The following CEP41 variants were observed in gnomAD, a reference collection of about 807,000 sequenced individuals.
The protein encoded by CEP41 is centrosomal protein of 41 kDa.
In CEP41, 32 loss-of-function variants were observed where a neutral mutation model predicts 44.3. The ratio of observed to expected loss-of-function variants is 0.72; its 90% confidence interval spans 0.54 to 0.97. The LOEUF is 0.97. CEP41 is among the 50% of genes least tolerant of loss of function. The pLI, the probability that CEP41 is intolerant of heterozygous loss-of-function variation, is 0.00. For missense variants in CEP41, 432 were observed against 455.2 expected, an observed-to-expected ratio of 0.95 and a Z score of 0.46; for synonymous variants, 151 against 168.5, an observed-to-expected ratio of 0.90 and a Z score of 0.80.
rs576591527 is a variant in CEP41 at position 130,402,476 on chromosome 7, C to T, written c.574+172G>A. 2.2e-4 allele frequency among the ~76,000 whole-genome samples: 34 copies of T among 152,284 alleles called. 1 individual carries two copies. Among genetic ancestry groups the T allele is most frequent in the Admixed American group, 1.8e-3 (27 of 15,302 alleles). ...GACAGCCATCTGTGAAAATCAGCAG[C>T]CTCTCAAGAGTATTTTATGGTGGAG... On this transcript the variant is annotated intron_variant, in intron 7 of 10. Transcript: ENST00000223208.
At chr7:130,405,259 T>C (rs1231124090) in intron 5 of CEP41, among the ~76,000 whole-genome samples, 4 of 152,216 alleles carry the variant, frequency 2.6e-5, no homozygotes, top group African/African-American at 9.7e-5. Context: ...CAAGGAAAAG[T>C]ATTAGTGTGA....
intron 3 of CEP41, among the ~76,000 whole-genome samples, chr7:130,415,851 T>A (rs1415385915): frequency 2.0e-5 from 3 of 152,302 alleles, no homozygotes; most frequent in Non-Finnish European, 4.4e-5. Context: ...TATATAGATA[T>A]TTAAAATACA....
intron 5 of CEP41, among the ~76,000 whole-genome samples, chr7:130,410,045 A>G (rs1367643237): frequency 7.9e-5 from 3 of 38,060 alleles, no homozygotes; most frequent in Non-Finnish European, 1.1e-4. Flanking sequence ...TTTTTTTTTG[A>G]GACAGAGTCT....
rs1554416123 is a variant in CEP41, at chr7:130,398,956, G to A, written c.1057C>T (p.Pro353Ser). 1 of 1,614,206 alleles carries A rather than the reference G, an allele frequency of 6.2e-7. No individual in the cohort carries two copies. The highest frequency in any genetic ancestry group is 8.5e-7 in the Non-Finnish European group (1 of 1,180,026). ...RSAQNLPGGG[P>S]ASHSNPRSLS... ...GAGCGGGGGTTTGAGTGGCTGGCGG[G>A]GCCGCCACCTGGCAGATTCTGAGCG... The change falls in exon 11 of 11, where the codon CCC (proline) becomes TCC (serine). Residue 353 changes from proline to serine, a missense_variant. Pro to Ser is a moderately conservative substitution (Grantham distance 74). Transcript: ENST00000223208.
chr7:130,428,066 C>A, intron 1 of CEP41, 48 bp from the exon 2 acceptor site: 1 of 1,264,822 alleles, frequency 7.9e-7, no homozygotes, highest in Non-Finnish European at 1.2e-6. Flanking sequence ...GTAAGGATAA[C>A]GATAAGGTAA....
At chr7:130,401,819 T>C (rs1554416998) in intron 8 of CEP41, 62 bp downstream of exon 8, 3 of 1,123,496 alleles carry the variant, frequency 2.7e-6, no homozygotes, top group South Asian at 1.2e-5. Context: ...GCGTGGTTCA[T>C]GATAACTTTG....
chr7:130,436,304 C>A lies in CEP41; in HGVS notation c.33+4630G>T, dbSNP rs145029694. On this transcript the variant is annotated intron_variant, in intron 1 of 10. Transcript: ENST00000223208. ...TTGAGTGAAAAAAAAAAAAGCCAATCTCAAAAGGTCACATACTGTATGATT... is the reference window on the plus strand; with the variant it reads ...TTGAGTGAAAAAAAAAAAAGCCAATATCAAAAGGTCACATACTGTATGATT... Among the ~76,000 whole-genome samples, 113 of 150,912 alleles carry A rather than the reference C, an allele frequency of 7.5e-4. 1 individual carries two copies. In the East Asian group the frequency reaches 0.021, roughly 28 times the overall value.
intron 3 of CEP41, among the ~76,000 whole-genome samples, chr7:130,415,589 C>T (rs546174181): frequency 3.3e-4 from 51 of 152,290 alleles, no homozygotes; most frequent in African/African-American, 9.1e-4. Flanking sequence ...GAAACCACAT[C>T]GTACTTTGAA....
In CEP41 at chr7:130,398,855, G is replaced by C; in HGVS notation, c.*36C>G. 6.2e-7 allele frequency: 1 copy of C among 1,612,880 alleles called. No individual in the cohort carries two copies. Among genetic ancestry groups the C allele is most frequent in the Non-Finnish European group, 8.5e-7 (1 of 1,178,886 alleles). On this transcript the variant is annotated 3_prime_UTR_variant, in exon 11 of 11. Coordinates refer to ENST00000223208, the MANE Select transcript of CEP41 (RefSeq NM_018718.3). Reference sequence around the variant, plus strand: ...GAAATGCTCAGGGGTTCTGAAAAGAGGAAGAACATTTATTTGCCTAAGTGA... The same window carrying C: ...GAAATGCTCAGGGGTTCTGAAAAGACGAAGAACATTTATTTGCCTAAGTGA...
chr7:130,437,561 A>G (rs1223088961), intron 1 of CEP41, among the ~76,000 whole-genome samples: 12 of 151,138 alleles, frequency 7.9e-5, no homozygotes, highest in Middle Eastern at 3.2e-3. Context: ...GCTTGAGCCC[A>G]GGAGTTCAAG....
chr7:130,401,809 G>T, intron 8 of CEP41, 72 bp downstream of exon 8: 1 of 988,414 alleles, frequency 1.0e-6, no homozygotes, highest in Non-Finnish European at 1.6e-6. Flanking sequence ...CTTACCAGGA[G>T]CGTGGTTCAT....
In CEP41 at chr7:130,440,992, G is replaced by T. The variant is rs923882088; in HGVS notation, c.-26C>A. 5 of 1,612,046 alleles carry T rather than the reference G, an allele frequency of 3.1e-6. No individual in the cohort carries two copies. In the African/African-American group the frequency reaches 4.0e-5, roughly 13 times the overall value. ...ATTTTCTCCAACCGACCACGTTCGGGGTTCTAGCCTCACGGGTTGCCTCTA... is the reference window on the plus strand; with the variant it reads ...ATTTTCTCCAACCGACCACGTTCGGTGTTCTAGCCTCACGGGTTGCCTCTA... On this transcript the variant is annotated 5_prime_UTR_variant, in exon 1 of 11. Coordinates refer to ENST00000223208, the MANE Select transcript of CEP41 (RefSeq NM_018718.3).
Position 130,394,032 on chromosome 7 carries a change from G to C in CEP41, c.*4859C>G, listed in dbSNP as rs782256445. 2.2e-6 allele frequency: 1 copy of C among 454,094 alleles called. No individual in the cohort carries two copies. The highest frequency in any genetic ancestry group is 1.6e-5 in the South Asian group (1 of 64,466). 28.1% of individuals were successfully genotyped at this position (454,094 alleles called of 1,614,324 possible). On this transcript the variant is annotated 3_prime_UTR_variant, in exon 11 of 11. Coordinates refer to ENST00000223208, the MANE Select transcript of CEP41 (RefSeq NM_018718.3). ...AGTTCCTGAATTTCCATCGCCTTTT[G>C]TGCAGGCAAGCGGAGGAAAGTTTTC...
intron 2 of CEP41, 131 bp from the exon 3 acceptor site, chr7:130,417,097 A>T (rs1014263049): frequency 7.0e-7 from 1 of 1,419,246 alleles, no homozygotes; most frequent in Non-Finnish European, 9.6e-7. Flanking sequence ...GGACAGCAGC[A>T]AACAGGCCAC....
intron 2 of CEP41, chr7:130,419,122 A>G (rs1554421535): frequency 6.1e-6 from 6 of 985,284 alleles, no homozygotes; most frequent in Non-Finnish European, 1.2e-6. Context: ...GTAGGCCATC[A>G]TGCCCTCTAT....
chr7:130,432,888 T>C (rs1452375515), intron 1 of CEP41, among the ~76,000 whole-genome samples: 1 of 151,828 alleles, frequency 6.6e-6, no homozygotes, highest in East Asian at 1.9e-4. Flanking sequence ...GAGGAAGCCA[T>C]GGAAATGAAC....
rs782272572 is a variant in CEP41 at position 130,397,361 on chromosome 7, T to C, written c.*1530A>G. ...TAAAGCATCGGAAAATGTTGCACTT[T>C]GGAAATCAAGTAGAGAAGAATAAAC... On this transcript the variant is annotated 3_prime_UTR_variant, in exon 11 of 11. Transcript: ENST00000223208. 6.6e-6 allele frequency: 3 copies of C among 454,454 alleles called. No individual in the cohort carries two copies. Among genetic ancestry groups the C allele is most frequent in the South Asian group, 4.7e-5 (3 of 64,458 alleles). 28.2% of individuals were successfully genotyped at this position (454,454 alleles called of 1,614,324 possible).
intron 6 of CEP41, among the ~76,000 whole-genome samples, chr7:130,403,217 A>G (rs1261599559): frequency 2.2e-4 from 33 of 152,250 alleles, no homozygotes; most frequent in Admixed American, 2.2e-3. Context: ...TCTACGTGTA[A>G]GTAATATAAA....
Position 130,394,173 on chromosome 7 carries a change from G to A in CEP41, c.*4718C>T, listed in dbSNP as rs1554413526. ...GAACATGGTTGTGCCCACCCAGAGT[G>A]AGAAGCATAGAGCGGAGTGGCTGAA... On this transcript the variant is annotated 3_prime_UTR_variant, in exon 11 of 11. Transcript: ENST00000223208. 2.2e-6 allele frequency: 1 copy of A among 454,086 alleles called. No individual in the cohort carries two copies. The highest frequency in any genetic ancestry group is 2.3e-5 in the Admixed American group (1 of 42,578). The allele number at this position is 454,086 out of a possible 1,614,324, so 28.1% of individuals were successfully genotyped here.
Sources: allele counts gnomAD v4.1 joint callset (sites outside exome capture counted in the v4.1 genomes callset), GRCh38; gene constraint gnomAD v4.1.1; transcripts MANE v1.5; gene names NCBI Gene and HGNC (gene_info 2026-07-23, HGNC 2026-07-21).